The following MANEA variants were observed in gnomAD, a reference collection of about 807,000 sequenced individuals.
MANEA encodes glycoprotein endo-alpha-1,2-mannosidase.
A neutral mutation model predicts 36.8 loss-of-function variants in MANEA; 25 were observed. The observed-to-expected ratio is 0.68, with a 90% CI of 0.50 to 0.95. MANEA has a LOEUF of 0.95. MANEA is among the 40% of genes least tolerant of loss of function. MANEA has a pLI of 0.00. For synonymous variants in MANEA, 198 were observed against 188.5 expected (o/e 1.05, Z -0.41); for missense variants, 565 against 558.8 (o/e 1.01, Z -0.11).
intron 3 of MANEA, among the ~76,000 whole-genome samples, chr6:95,600,039 A>G (rs1008960033): frequency 2.6e-5 from 4 of 152,208 alleles, no homozygotes; most frequent in African/African-American, 9.7e-5. Flanking sequence ...GAAACTGGCT[A>G]TTTTAGTACT....
intron 1 of MANEA, among the ~76,000 whole-genome samples, chr6:95,582,753 T>C (rs1220963344): frequency 1.1e-4 from 16 of 152,228 alleles, no homozygotes; most frequent in Admixed American, 1.0e-3. Flanking sequence ...CCCTTACTTA[T>C]TATACGTTGC....
At chr6:95,588,909 C>T (rs993835824) in intron 2 of MANEA, among the ~76,000 whole-genome samples, 6 of 151,470 alleles carry the variant, frequency 4.0e-5, no homozygotes, top group South Asian at 2.1e-4. Context: ...CATTTTTATG[C>T]CTATTCATAT....
intron 2 of MANEA, among the ~76,000 whole-genome samples, chr6:95,587,773 TATTTC>T (rs1208802353): frequency 6.6e-6 from 1 of 152,122 alleles, no homozygotes; most frequent in Non-Finnish European, 1.5e-5. Flanking sequence ...AATGTCTGTT[TATTTC>T]ATTTATGTTT....
chr6:95,582,353 T>C (rs960025908), intron 1 of MANEA, among the ~76,000 whole-genome samples: 33 of 151,860 alleles, frequency 2.2e-4, no homozygotes, highest in African/African-American at 7.5e-4. Context: ...CTGGCTAATT[T>C]TTTGTATTTT....
At chr6:95,597,784 A>T (rs1372094589) in intron 3 of MANEA, among the ~76,000 whole-genome samples, 1 of 152,110 alleles carries the variant, frequency 6.6e-6, no homozygotes. Flanking sequence ...AAGAACTATG[A>T]TAGATGAAGT....
At position 95,586,620 on chromosome 6, in the gene MANEA, T is replaced by A. The variant is rs1769287124; in HGVS notation, c.181T>A (p.Phe61Ile). 1 of 1,613,864 alleles carries A rather than the reference T, an allele frequency of 6.2e-7. No individual in the cohort carries two copies. Among genetic ancestry groups the A allele is most frequent in the Admixed American group, 1.7e-5 (1 of 59,988 alleles). Residue 61 changes from phenylalanine to isoleucine, a missense_variant, in exon 2 of 5, where the codon TTC becomes ATC. Physicochemically the swap from Phe to Ile is conservative, Grantham distance 21. Coordinates refer to ENST00000358812, the MANE Select transcript of MANEA (RefSeq NM_024641.4). Reference sequence around the variant, plus strand: ...TATTCATTTGGGGAAAAATTTTGATTTCCAAAAGAGTGACAGAATCAACAG... The same window carrying A: ...TATTCATTTGGGGAAAAATTTTGATATCCAAAAGAGTGACAGAATCAACAG... Reference protein sequence around the residue: ...RTIHLGKNFDFQKSDRINSET... With the variant: ...RTIHLGKNFDIQKSDRINSET...
At chr6:95,605,697 G>A (rs1353008828) in intron 4 of MANEA, 51 bp from the exon 5 acceptor site, 1 of 1,410,464 alleles carries the variant, frequency 7.1e-7, no homozygotes, top group African/African-American at 1.4e-5. Context: ...TTTGTCTGTG[G>A]CAAATTAGTT....
chr6:95,587,025 A>G (rs1211740554), intron 2 of MANEA, 42 bp downstream of exon 2: 2 of 1,131,050 alleles, frequency 1.8e-6, no homozygotes, highest in African/African-American at 3.2e-5. Flanking sequence ...GTGTCTGTAT[A>G]TATGCATATA....
chr6:95,588,659 C>T lies in MANEA; in HGVS notation c.544+1676C>T, dbSNP rs777944031. Among the ~76,000 whole-genome samples, 5 of 151,824 alleles carry T rather than the reference C, an allele frequency of 3.3e-5. No homozygotes were observed. The East Asian group carries it at 9.6e-4, about 29-fold the overall frequency. On this transcript the variant is annotated intron_variant, in intron 2 of 4. Coordinates refer to ENST00000358812, the MANE Select transcript of MANEA (RefSeq NM_024641.4). ...GACTGTCTTGATATGGCTAAAAAAA[C>T]TATGCTAGATTGACAGAGGAAATGG...
At chr6:95,590,212 ATAGT>A (rs1188540660) in intron 2 of MANEA, 3 of 152,198 alleles carry the variant, frequency 2.0e-5, no homozygotes, top group African/African-American at 4.8e-5. Flanking sequence ...TAAATTTGTG[ATAGT>A]TTGTTATGGC....
chr6:95,592,435 G>T (rs1769401297), intron 2 of MANEA, among the ~76,000 whole-genome samples: 1 of 152,028 alleles, frequency 6.6e-6, no homozygotes, highest in Non-Finnish European at 1.5e-5. Context: ...TTTGTTTCTT[G>T]TCAGTGAATT....
intron 3 of MANEA, among the ~76,000 whole-genome samples, chr6:95,598,489 ATGGGC>A (rs1322912607): frequency 6.6e-6 from 1 of 152,090 alleles, no homozygotes; most frequent in Non-Finnish European, 1.5e-5. Flanking sequence ...ACTTCTATAT[ATGGGC>A]CTCCAGCTTC....
intron 1 of MANEA, among the ~76,000 whole-genome samples, chr6:95,579,467 G>A (rs1238673345): frequency 1.3e-5 from 2 of 152,122 alleles, no homozygotes; most frequent in African/African-American, 4.8e-5. Flanking sequence ...ACTGACCTGG[G>A]CAAGGATTGA....
chr6:95,600,032 A>T (rs1769559347), intron 3 of MANEA, among the ~76,000 whole-genome samples: 1 of 152,192 alleles, frequency 6.6e-6, no homozygotes, highest in African/African-American at 2.4e-5. Context: ...AGCTCAAGAA[A>T]CTGGCTATTT....
chr6:95,587,071 T>C, intron 2 of MANEA, 88 bp downstream of exon 2: 1 of 780,638 alleles, frequency 1.3e-6, no homozygotes, highest in Non-Finnish European at 2.1e-6. Context: ...GTTAATTTTC[T>C]CATTATTATT....
Position 95,604,874 on chromosome 6 carries a change from G to T in MANEA, c.702G>T (p.Met234Ile). Residue 234 changes from methionine to isoleucine, a missense_variant, in exon 4 of 5, where the codon ATG becomes ATT. Physicochemically the swap from Met to Ile is conservative, Grantham distance 10 (BLOSUM62 1). Transcript: ENST00000358812. ...ATAGCAATCGAGATGATCAAAACAT[G>T]TACAAAAATGTCAAGTATATTATAG... is the stretch of plus-strand genomic sequence containing the variant. ...EPYSNRDDQN[M>I]YKNVKYIIDK... is the part of the protein sequence containing the mutation. 1 of 1,471,318 alleles carries T rather than the reference G, an allele frequency of 6.8e-7. No individual in the cohort carries two copies. Among genetic ancestry groups the T allele is most frequent in the South Asian group, 1.4e-5 (1 of 72,728 alleles). 91.1% of individuals were successfully genotyped at this position (1,471,318 alleles called of 1,614,324 possible).
At chr6:95,593,946 T>A (rs1769436572) in intron 2 of MANEA, among the ~76,000 whole-genome samples, 2 of 151,896 alleles carry the variant, frequency 1.3e-5, no homozygotes, top group South Asian at 4.1e-4. Context: ...AGGGATTCTA[T>A]CTGTAATCGA....
intron 1 of MANEA, among the ~76,000 whole-genome samples, chr6:95,586,168 T>C (rs186867594): frequency 3.5e-4 from 53 of 152,354 alleles, no homozygotes; most frequent in African/African-American, 1.3e-3. Context: ...GGCATGTACA[T>C]GGTGATATAT....
At chr6:95,588,288 G>A (rs1769325851) in intron 2 of MANEA, 1 of 151,988 alleles carries the variant, frequency 6.6e-6, no homozygotes, top group South Asian at 2.1e-4. Context: ...GAGCTGATAT[G>A]TATTTAGAGA....
Sources: gnomAD v4.1 joint callset for allele counts (sites outside exome capture counted in the v4.1 genomes callset) on GRCh38, gnomAD v4.1.1 for gene constraint, MANE v1.5 for transcripts, NCBI Gene and HGNC (gene_info 2026-07-23, HGNC 2026-07-21) for gene names.